RORA: variants seen among roughly 807,000 people sequenced by gnomAD.
RORA encodes the protein RAR related orphan receptor A.
RORA carries 7 observed loss-of-function variants against 69.5 expected under a neutral mutation model. The observed-to-expected ratio is 0.10, with a 90% CI of 0.06 to 0.19. RORA has a LOEUF of 0.19. RORA is among the 10% of genes least tolerant of loss of function. RORA has a pLI of 1.00. For synonymous variants in RORA, 261 were observed against 240.8 expected (o/e 1.08, Z -0.78); for missense variants, 457 against 663.0 (o/e 0.69, Z 3.41).
intron 1 of RORA, among the ~76,000 whole-genome samples, chr15:60,945,382 C>G (rs1892839917): frequency 6.6e-6 from 1 of 152,126 alleles, no homozygotes; most frequent in Non-Finnish European, 1.5e-5. Context: ...GGCCAGCATA[C>G]CAGGTTGGCT....
intron 1 of RORA, among the ~76,000 whole-genome samples, chr15:60,837,781 G>A (rs768568759): frequency 6.6e-6 from 1 of 151,742 alleles, no homozygotes; most frequent in Non-Finnish European, 1.5e-5. Context: ...GCATCTGATT[G>A]TTTCTTCTCA....
chr15:60,795,176 A>G (rs760506994), intron 1 of RORA, among the ~76,000 whole-genome samples: 14 of 152,180 alleles, frequency 9.2e-5, no homozygotes, highest in Non-Finnish European at 1.6e-4. Flanking sequence ...TTACCTCTGA[A>G]GAACCAACCT....
intron 1 of RORA, among the ~76,000 whole-genome samples, chr15:60,909,490 C>A (rs1395375838): frequency 6.6e-6 from 1 of 152,186 alleles, no homozygotes; most frequent in East Asian, 1.9e-4. Flanking sequence ...TAGCCTTTAT[C>A]GAACGATTGA....
chr15:61,193,162 C>A (rs2079816712), intron 1 of RORA, among the ~76,000 whole-genome samples: 2 of 152,156 alleles, frequency 1.3e-5, no homozygotes, highest in Non-Finnish European at 2.9e-5. Context: ...CAATTCCTAC[C>A]CCTCACACTT....
At chr15:60,830,285 T>G (rs977703376) in intron 1 of RORA, among the ~76,000 whole-genome samples, 1 of 152,238 alleles carries the variant, frequency 6.6e-6, no homozygotes, top group Non-Finnish European at 1.5e-5. Context: ...AACCAAAACT[T>G]GTCCACAATC....
chr15:60,927,986 C>A (rs1055954924), intron 1 of RORA, among the ~76,000 whole-genome samples: 1 of 152,130 alleles, frequency 6.6e-6, no homozygotes, highest in Non-Finnish European at 1.5e-5. Context: ...CACAGCCATG[C>A]CCTTGTTTGG....
chr15:60,624,544 T>C (rs1192273190), intron 2 of RORA, among the ~76,000 whole-genome samples: 1 of 144,950 alleles, frequency 6.9e-6, no homozygotes, highest in Non-Finnish European at 1.5e-5. Flanking sequence ...ATATATTTGC[T>C]GTATATATAT....
intron 1 of RORA, among the ~76,000 whole-genome samples, chr15:60,864,428 G>A (rs1370106096): frequency 6.6e-6 from 1 of 151,242 alleles, no homozygotes; most frequent in Non-Finnish European, 1.5e-5. Context: ...TCACAGTTTC[G>A]ATGGGGACTT....
intron 2 of RORA, among the ~76,000 whole-genome samples, chr15:60,594,937 A>G (rs1000191664): frequency 2.6e-5 from 4 of 152,214 alleles, no homozygotes; most frequent in African/African-American, 9.6e-5. Flanking sequence ...TATTTGTAAT[A>G]CATGCCTCTA....
At chr15:61,155,553 T>C (rs1266477409) in intron 1 of RORA, among the ~76,000 whole-genome samples, 1 of 152,148 alleles carries the variant, frequency 6.6e-6, no homozygotes, top group Non-Finnish European at 1.5e-5. Flanking sequence ...CCCTAGCTGT[T>C]TGGGGAGTTG....
At position 61,061,622 on chromosome 15, in the gene RORA, A is replaced by C. The variant is rs1178484532; in HGVS notation, c.166+167431T>G. 6.6e-6 allele frequency among the ~76,000 whole-genome samples: 1 copy of C among 152,170 alleles called. No individual in the cohort carries two copies. Among genetic ancestry groups the C allele is most frequent in the East Asian group, 1.9e-4 (1 of 5,200 alleles). On this transcript the variant is annotated intron_variant, in intron 1 of 10. Coordinates refer to ENST00000335670, the MANE Select transcript of RORA (RefSeq NM_134261.3). The surrounding 1 kb of genome is among the most constrained non-coding windows in gnomAD (Gnocchi z 4.4). ...TTGATTCATTCCTAGGTATATTAAA[A>C]ATAATTCAGGTTTACATAATCTATC...
At chr15:60,695,700 C>T (rs1011846601) in intron 1 of RORA, among the ~76,000 whole-genome samples, 1 of 152,118 alleles carries the variant, frequency 6.6e-6, no homozygotes, top group African/African-American at 2.4e-5. Context: ...GCCAGCGCAA[C>T]ATTCTCATTT....
intron 1 of RORA, among the ~76,000 whole-genome samples, chr15:61,141,502 A>G (rs1288177416): frequency 1.3e-5 from 2 of 152,238 alleles, no homozygotes; most frequent in Admixed American, 6.5e-5. Flanking sequence ...GACCAGCATG[A>G]GAAAGGAAAA....
intron 9 of RORA, among the ~76,000 whole-genome samples, chr15:60,500,278 CAT>C (rs2065290046): frequency 6.6e-6 from 1 of 152,154 alleles, no homozygotes; most frequent in Non-Finnish European, 1.5e-5. Flanking sequence ...AGGCCATACT[CAT>C]ATGAGTGCAA....
rs1566941435 is a variant in RORA, at chr15:61,007,746, C to CTAATGTTATATATTATATATAACATTAGG, written c.166+221306_166+221307insCCTAATGTTATATATAATATATAACATTA. Among the ~76,000 whole-genome samples, 212 of 146,294 alleles carry CTAATGTTATATATTATATATAACATTAGG rather than the reference C, an allele frequency of 1.4e-3. 2 individuals carry two copies. Among genetic ancestry groups the CTAATGTTATATATTATATATAACATTAGG allele is most frequent in the African/African-American group, 5.0e-3 (201 of 40,160 alleles). On this transcript the variant is annotated intron_variant, in intron 1 of 10. Coordinates refer to ENST00000335670, the MANE Select transcript of RORA (RefSeq NM_134261.3). ...TATTATATATTTTATATAACATTAG[C>CTAATGTTATATATTATATATAACATTAGG]CTAATGTTATATATTATATATAACA...
intron 1 of RORA, among the ~76,000 whole-genome samples, chr15:61,097,503 C>T (rs764220272): frequency 2.4e-4 from 36 of 151,954 alleles, no homozygotes; most frequent in Admixed American, 1.3e-4. Context: ...TGTCATCTTC[C>T]CTCTGCCTGG....
At chr15:60,520,591 T>G (rs1221949510) in intron 3 of RORA, among the ~76,000 whole-genome samples, 2 of 152,062 alleles carry the variant, frequency 1.3e-5, no homozygotes, top group Admixed American at 1.3e-4. Context: ...AGATTTTGTC[T>G]GATTGGGGAG....
intron 1 of RORA, among the ~76,000 whole-genome samples, chr15:60,729,863 C>T (rs529865424): frequency 6.6e-6 from 1 of 152,270 alleles, no homozygotes; most frequent in South Asian, 2.1e-4. Context: ...AATATCTTAC[C>T]TCTCTGCTTT....
At chr15:60,997,207 T>C (rs576239769) in intron 1 of RORA, among the ~76,000 whole-genome samples, 2 of 152,192 alleles carry the variant, frequency 1.3e-5, no homozygotes, top group Non-Finnish European at 2.9e-5. Flanking sequence ...TGAATTATAC[T>C]GATTTGCAGA....
Sources: allele counts gnomAD v4.1 joint callset (sites outside exome capture counted in the v4.1 genomes callset), GRCh38; gene constraint gnomAD v4.1.1; non-coding constraint Gnocchi (gnomAD v3.1); transcripts MANE v1.5; gene names NCBI Gene and HGNC (gene_info 2026-07-23, HGNC 2026-07-21).